CDH13: variants seen among roughly 807,000 people sequenced by gnomAD.
The protein encoded by CDH13 is cadherin-13.
In CDH13, 24 loss-of-function variants were observed where a neutral mutation model predicts 63.8. That is an observed-to-expected ratio of 0.38 (90% CI 0.27 to 0.53). The LOEUF (loss-of-function observed/expected upper bound fraction) is 0.53, where lower values mean the gene tolerates loss of function less well. Among genes scored for constraint, CDH13 ranks in the 20% least tolerant of loss-of-function variants. The pLI is 0.85. For synonymous variants in CDH13, 503 were observed against 355.3 expected (o/e 1.42, Z -4.67); for missense variants, 1,049 against 903.1 (o/e 1.16, Z -2.07).
intron 10 of CDH13, chr16:83,717,202 G>T (rs1909049910): frequency 6.6e-6 from 1 of 152,274 alleles, no homozygotes; most frequent in African/African-American, 2.4e-5. Context: ...GGAGGTTGTA[G>T]TGAGCCAAGA....
chr16:83,336,300 C>CAAA (rs376325733), intron 5 of CDH13, among the ~76,000 whole-genome samples: 13 of 48,992 alleles, frequency 2.7e-4, no homozygotes, highest in African/African-American at 6.9e-4. Flanking sequence ...GACTCCATCT[C>CAAA]AAAAAAAAAA....
chr16:83,606,510 G>T (rs1252119158), intron 8 of CDH13, among the ~76,000 whole-genome samples: 1 of 152,038 alleles, frequency 6.6e-6, no homozygotes, highest in Non-Finnish European at 1.5e-5. Context: ...GGCGGAAGTG[G>T]GAGGATTGCT....
intron 1 of CDH13, among the ~76,000 whole-genome samples, chr16:82,838,949 C>T (rs1357226052): frequency 1.3e-5 from 2 of 152,202 alleles, no homozygotes; most frequent in African/African-American, 2.4e-5. Context: ...CATTGCAGGC[C>T]ATCCAGTCTC....
chr16:83,044,620 A>G (rs1051938757), intron 3 of CDH13, among the ~76,000 whole-genome samples: 1 of 152,222 alleles, frequency 6.6e-6, no homozygotes, highest in Non-Finnish European at 1.5e-5. Context: ...TATTTTTAAA[A>G]CTATAATTTA....
intron 5 of CDH13, among the ~76,000 whole-genome samples, chr16:83,239,795 G>A (rs1904303543): frequency 6.6e-6 from 1 of 152,166 alleles, no homozygotes; most frequent in Non-Finnish European, 1.5e-5. Context: ...ACTTACAGCA[G>A]AAGAGCAGGC....
chr16:82,658,322 G>C (rs1243260771), intron 1 of CDH13, among the ~76,000 whole-genome samples: 1 of 152,192 alleles, frequency 6.6e-6, no homozygotes, highest in African/African-American at 2.4e-5. Context: ...CACAGTTACT[G>C]CTGGTTCCCA....
chr16:83,240,621 A>T (rs1002026852), intron 5 of CDH13, among the ~76,000 whole-genome samples: 1 of 143,198 alleles, frequency 7.0e-6, no homozygotes, highest in African/African-American at 2.6e-5. Flanking sequence ...GAAAGAGAGG[A>T]GGGTTGAGGG....
At chr16:83,571,461 G>C (rs1017618098) in intron 7 of CDH13, among the ~76,000 whole-genome samples, 5 of 152,128 alleles carry the variant, frequency 3.3e-5, no homozygotes, top group Non-Finnish European at 5.9e-5. Flanking sequence ...TAAATTATCT[G>C]TGTATTGAAT....
chr16:83,741,990 C>T (rs1049698019), intron 10 of CDH13, among the ~76,000 whole-genome samples: 2 of 152,216 alleles, frequency 1.3e-5, no homozygotes, highest in Non-Finnish European at 2.9e-5. Context: ...TTGTCTTCCA[C>T]GAAACCAGTC....
chr16:83,391,679 G>A lies in CDH13; in HGVS notation c.781+46673G>A, dbSNP rs2091789786. ...CACACAGGGTCACCACCAACACATTGCATCAGCTGCCATGCAGACGAACAC... is the reference window on the plus strand; with the variant it reads ...CACACAGGGTCACCACCAACACATTACATCAGCTGCCATGCAGACGAACAC... On this transcript the variant is annotated intron_variant, in intron 6 of 13. Coordinates refer to ENST00000567109, the MANE Select transcript of CDH13 (RefSeq NM_001257.5). Among the ~76,000 whole-genome samples, 5 of 152,294 alleles carry A rather than the reference G, an allele frequency of 3.3e-5. No homozygotes were observed. The South Asian group carries it at 1.0e-3, about 32-fold the overall frequency.
At position 83,118,895 on chromosome 16, in the gene CDH13, C is replaced by T. The variant is rs749450687; in HGVS notation, c.367-6490C>T. 2.0e-5 allele frequency among the ~76,000 whole-genome samples: 3 copies of T among 152,170 alleles called. No individual in the cohort carries two copies. In the South Asian group the frequency reaches 6.2e-4, roughly 32 times the overall value. ...TTGCATCTTCATTCATTCTGTGTTT[C>T]TTTCTTCACCACTGTGCTTTCTTTC... On this transcript the variant is annotated intron_variant, in intron 3 of 13. Coordinates refer to ENST00000567109, the MANE Select transcript of CDH13 (RefSeq NM_001257.5).
intron 2 of CDH13, among the ~76,000 whole-genome samples, chr16:82,939,530 G>A (rs571176352): frequency 1.3e-5 from 2 of 152,126 alleles, no homozygotes; most frequent in South Asian, 2.1e-4. Context: ...GAATAATTAC[G>A]CACATACCTA....
At chr16:83,615,825 C>G (rs918976125) in intron 8 of CDH13, among the ~76,000 whole-genome samples, 1 of 152,142 alleles carries the variant, frequency 6.6e-6, no homozygotes, top group African/African-American at 2.4e-5. Flanking sequence ...AATTGCATTC[C>G]CAACTTCCCA....
chr16:82,783,274 T>C (rs1567529274), intron 1 of CDH13, among the ~76,000 whole-genome samples: 2 of 152,190 alleles, frequency 1.3e-5, no homozygotes, highest in African/African-American at 4.8e-5. Context: ...TGCAGAGTTT[T>C]CCATAGCCCA....
At chr16:83,142,664 G>A (rs185808735) in intron 4 of CDH13, among the ~76,000 whole-genome samples, 1 of 152,198 alleles carries the variant, frequency 6.6e-6, no homozygotes, top group African/African-American at 2.4e-5. Context: ...CAAACCCCAA[G>A]ATAGCAGAAT....
chr16:83,484,756 G>A (rs1283842665), intron 6 of CDH13, among the ~76,000 whole-genome samples: 1 of 152,150 alleles, frequency 6.6e-6, no homozygotes, highest in African/African-American at 2.4e-5. Flanking sequence ...TAAAACATGT[G>A]AATAAAGTAT....
chr16:82,667,378 G>A (rs1272597381), intron 1 of CDH13, among the ~76,000 whole-genome samples: 1 of 152,198 alleles, frequency 6.6e-6, no homozygotes, highest in Non-Finnish European at 1.5e-5. Flanking sequence ...CTGATTGAGA[G>A]GTTTGTAGAG....
chr16:83,603,408 T>G (rs564057150), intron 8 of CDH13, among the ~76,000 whole-genome samples: 13 of 152,300 alleles, frequency 8.5e-5, no homozygotes, highest in African/African-American at 3.1e-4. Flanking sequence ...TTGCCTGATT[T>G]GACTGTGTGA....
chr16:83,216,269 A>C (rs1056000498), intron 4 of CDH13, among the ~76,000 whole-genome samples: 1 of 150,976 alleles, frequency 6.6e-6, no homozygotes, highest in Non-Finnish European at 1.5e-5. Flanking sequence ...TAGAGAATGG[A>C]AGATGTGGTT....
Sources: allele counts gnomAD v4.1 joint callset (sites outside exome capture counted in the v4.1 genomes callset), GRCh38; gene constraint gnomAD v4.1.1; transcripts MANE v1.5; gene names NCBI Gene and HGNC (gene_info 2026-07-23, HGNC 2026-07-21).